ARCN1: variants seen among roughly 807,000 people sequenced by gnomAD.
ARCN1 encodes the protein coatomer subunit delta.
A neutral mutation model predicts 60.4 loss-of-function variants in ARCN1; 5 were observed. The ratio of observed to expected loss-of-function variants is 0.08; its 90% CI spans 0.04 to 0.17. ARCN1 has a LOEUF of 0.17. ARCN1 is among the 10% of genes least tolerant of loss of function. The probability of loss-of-function intolerance (pLI) is 1.00; values close to 1 mark genes in which losing one functional copy is unlikely to be tolerated. For missense variants in ARCN1, 464 were observed against 626.5 expected (o/e 0.74, Z 2.77); for synonymous variants, 224 against 220.0 (o/e 1.02, Z -0.16).
At chr11:118,575,512 T>A (rs782200173) in intron 1 of ARCN1, among the ~76,000 whole-genome samples, 16 of 152,106 alleles carry the variant, frequency 1.1e-4, no homozygotes, top group African/African-American at 3.9e-4. Context: ...AAATTACTTT[T>A]CAAGTTTTAG....
intron 5 of ARCN1, 54 bp from the exon 6 acceptor site, chr11:118,590,287 G>C (rs1190917844): frequency 1.3e-6 from 2 of 1,511,942 alleles, no homozygotes; most frequent in East Asian, 4.6e-5. Flanking sequence ...GAGCCACCAC[G>C]CCCGGCCATT....
At chr11:118,593,220 C>T (rs1319695634) in intron 7 of ARCN1, among the ~76,000 whole-genome samples, 1 of 151,506 alleles carries the variant, frequency 6.6e-6, no homozygotes, top group Non-Finnish European at 1.5e-5. Context: ...TAGGCACATG[C>T]CACCACATCC....
intron 1 of ARCN1, among the ~76,000 whole-genome samples, chr11:118,576,426 T>TAAAAAAAAAAAAAAA (rs10671866): frequency 3.7e-5 from 4 of 108,768 alleles, no homozygotes; most frequent in East Asian, 2.9e-4. Flanking sequence ...CCAAAAATGT[T>TAAAAAAAAAAAAAAA]AAAAAAAAAA....
intron 8 of ARCN1, among the ~76,000 whole-genome samples, chr11:118,596,437 C>A (rs1555077172): frequency 6.6e-6 from 1 of 152,118 alleles, no homozygotes; most frequent in East Asian, 1.9e-4. Flanking sequence ...CCAGAAGAGA[C>A]CCTTACACAA....
Position 118,601,690 on chromosome 11 carries a change from C to T in ARCN1, c.*976C>T, listed in dbSNP as rs1555078176. ...TCAATTCATTCCTTCATCTCTTTGC[C>T]AAGTTGTTTTCCTTTCAGGGCCTGT... On this transcript the variant is annotated 3_prime_UTR_variant, in exon 10 of 10. Coordinates refer to ENST00000264028, the MANE Select transcript of ARCN1 (RefSeq NM_001655.5). 1 of 702,976 alleles carries T rather than the reference C, an allele frequency of 1.4e-6. No homozygotes were observed. The highest frequency in any genetic ancestry group is 2.6e-6 in the Non-Finnish European group (1 of 384,998). The allele number at this position is 702,976 out of a possible 1,614,324, so 43.5% of individuals were successfully genotyped here.
chr11:118,589,918 T>TA (rs1437642900), intron 5 of ARCN1, among the ~76,000 whole-genome samples: 6 of 152,170 alleles, frequency 3.9e-5, no homozygotes, highest in Non-Finnish European at 8.8e-5. Flanking sequence ...GTAGCACCTT[T>TA]AAAAAAACGT....
chr11:118,592,549 A>C (rs1471026230), intron 6 of ARCN1, among the ~76,000 whole-genome samples, 160 bp from the exon 7 acceptor site: 2 of 152,182 alleles, frequency 1.3e-5, no homozygotes, highest in African/African-American at 4.8e-5. Context: ...ATTTTAAAAT[A>C]AGTCTTTGAA....
chr11:118,575,555 TTCTC>T (rs1938476067), intron 1 of ARCN1, among the ~76,000 whole-genome samples: 1 of 152,172 alleles, frequency 6.6e-6, no homozygotes, highest in Non-Finnish European at 1.5e-5. Context: ...TATTGTAATC[TTCTC>T]TCTGATTTTA....
chr11:118,574,365 A>T (rs1027716411), intron 1 of ARCN1, among the ~76,000 whole-genome samples: 1 of 152,162 alleles, frequency 6.6e-6, no homozygotes, highest in Admixed American at 6.5e-5. Context: ...TTTTTATCTA[A>T]AAGTTGTATC....
At chr11:118,576,092 T>A (rs538525637) in intron 1 of ARCN1, among the ~76,000 whole-genome samples, 2 of 152,000 alleles carry the variant, frequency 1.3e-5, no homozygotes, top group Admixed American at 6.6e-5. Context: ...ATTTCAATAA[T>A]CAATTAAGTG....
At chr11:118,588,203 T>C (rs541084317) in intron 5 of ARCN1, among the ~76,000 whole-genome samples, 2 of 152,334 alleles carry the variant, frequency 1.3e-5, no homozygotes, top group Non-Finnish European at 1.5e-5. Context: ...GACCTAATAC[T>C]GATAGGCTGA....
At chr11:118,572,872 G>A in intron 1 of ARCN1, 1 of 379,142 alleles carries the variant, frequency 2.6e-6, no homozygotes. Flanking sequence ...GCGGGTCCCA[G>A]GCTGCGGACC....
chr11:118,581,366 A>G lies in ARCN1; in HGVS notation c.124A>G (p.Thr42Ala), dbSNP rs781907942. The G allele has an allele frequency of 1.9e-6, 3 of 1,614,084 alleles. No individual in the cohort carries two copies. The African/African-American group carries it at 4.0e-5, about 22-fold the overall frequency. ...AGCAGCTTTTCCAAAGCTCATGAAC[A>G]CTGGAAAACAACATACGTTTGTTGA... ...LLAAFPKLMN[T>A]GKQHTFVETE... is the part of the protein sequence containing the mutation. The change falls in exon 2 of 10, where the codon ACT becomes GCT. Residue 42 changes from threonine (T) to alanine (A), a missense_variant. By Grantham distance (58) the Thr-to-Ala change is moderately conservative. Transcript: ENST00000264028.
chr11:118,574,702 C>G (rs1555073133), intron 1 of ARCN1, among the ~76,000 whole-genome samples: 1 of 152,034 alleles, frequency 6.6e-6, no homozygotes, highest in African/African-American at 2.4e-5. Context: ...AATGCAGAAA[C>G]AAATGCTTTC....
At position 118,601,363 on chromosome 11, in the gene ARCN1, C is replaced by T. The variant is rs782718849; in HGVS notation, c.*649C>T. On this transcript the variant is annotated 3_prime_UTR_variant, in exon 10 of 10. Coordinates refer to ENST00000264028, the MANE Select transcript of ARCN1 (RefSeq NM_001655.5). ...AGGCATGAGCCACCATGCCCAGCTG[C>T]TCCTTTATTTTAATCCCTAAATATA... 4 of 493,412 alleles carry T rather than the reference C, an allele frequency of 8.1e-6. No homozygotes were observed. The highest frequency in any genetic ancestry group is 3.3e-5 in the South Asian group (2 of 60,348). 30.6% of individuals were successfully genotyped at this position (493,412 alleles called of 1,614,324 possible). A position where few individuals can be genotyped will look rare whatever the true frequency, so the allele number is the denominator to read the frequency against.
intron 9 of ARCN1, among the ~76,000 whole-genome samples, chr11:118,600,179 T>C (rs1939118556): frequency 6.6e-6 from 1 of 152,206 alleles, no homozygotes; most frequent in African/African-American, 2.4e-5. Context: ...CAGCCATGCC[T>C]AAAAAATAAG....
intron 1 of ARCN1, 47 bp from the exon 2 acceptor site, chr11:118,581,199 G>A (rs533031438): frequency 6.2e-7 from 1 of 1,601,372 alleles, no homozygotes; most frequent in South Asian, 1.1e-5. Flanking sequence ...TGAGAAAACA[G>A]ATGTGAAGAA....
chr11:118,583,476 A>G, intron 3 of ARCN1, 118 bp downstream of exon 3: 1 of 1,230,978 alleles, frequency 8.1e-7, no homozygotes, highest in South Asian at 1.6e-5. Flanking sequence ...TGTCCAGGCT[A>G]GGCACAGTGG....
chr11:118,593,950 A>C (rs113337722), intron 8 of ARCN1: 2 of 316,670 alleles, frequency 6.3e-6, no homozygotes, highest in Non-Finnish European at 1.2e-5. Flanking sequence ...GAGGGGCACA[A>C]GGGAACTTTT....
Sources: gnomAD v4.1 joint callset for allele counts (sites outside exome capture counted in the v4.1 genomes callset) on GRCh38, gnomAD v4.1.1 for gene constraint, MANE v1.5 for transcripts, NCBI Gene and HGNC (gene_info 2026-07-23, HGNC 2026-07-21) for gene names.